Variants in CPLANE1 observed in about 807,000 individuals in gnomAD.
CPLANE1 encodes ciliogenesis and planar polarity effector complex subunit 1.
A neutral mutation model predicts 362.5 loss-of-function variants in CPLANE1; 263 were observed. That is an observed-to-expected ratio of 0.73 (90% CI 0.66 to 0.80). The LOEUF (loss-of-function observed/expected upper bound fraction) is 0.80, where lower values mean the gene tolerates loss of function less well. Ranked by LOEUF, CPLANE1 falls within the 30% of genes least tolerant of loss-of-function variation. The pLI, the probability that CPLANE1 is intolerant of heterozygous loss-of-function variation, is 0.00. For synonymous variants in CPLANE1, 1,212 were observed against 1,302.6 expected (o/e 0.93, Z 1.50); for missense variants, 3,461 against 3,793.4 (o/e 0.91, Z 2.30).
chr5:37,204,364 G>A (rs1354487996), intron 18 of CPLANE1, among the ~76,000 whole-genome samples: 2 of 152,062 alleles, frequency 1.3e-5, no homozygotes, highest in African/African-American at 2.4e-5. Flanking sequence ...TTAAATATAC[G>A]ACATTAAATG....
In CPLANE1 at chr5:37,142,447, T is replaced by C; in HGVS notation, c.8495A>G (p.Gln2832Arg). Residue 2832 changes from glutamine to arginine, a missense_variant, in exon 44 of 53, where the codon CAA (glutamine) becomes CGA (arginine). This residue lies in a region of CPLANE1 where 3,380 missense variants were observed against 3,666.1 expected (regional missense o/e 0.92). Transcript: ENST00000651892. Reference sequence around the variant, plus strand: ...TTCTGAAGTCTCCTTTTTGTCACTTTGATCTTCTTCATCCATATGGGTCAA... The same window carrying C: ...TTCTGAAGTCTCCTTTTTGTCACTTCGATCTTCTTCATCCATATGGGTCAA... ...RFLTHMDEED[Q>R]SDKKETSEPE... 6.2e-7 allele frequency: 1 copy of C among 1,606,032 alleles called. No individual in the cohort carries two copies.
Position 37,157,422 on chromosome 5 carries a change from T to G in CPLANE1, c.8012-2A>C. On this transcript the variant is annotated splice_acceptor_variant, in intron 40 of 52. Transcript: ENST00000651892. LOFTEE classifies it high-confidence loss of function. ...CATCCAGACAAGCTGGAGTTACTTC[T>G]GCAGGTTTAGAAAATAAATCCATAG... The G allele has an allele frequency of 6.7e-7, 1 of 1,483,902 alleles. No homozygotes were observed. The highest frequency in any genetic ancestry group is 9.0e-7 in the Non-Finnish European group (1 of 1,107,242). The allele number at this position is 1,483,902 out of a possible 1,614,324, so 91.9% of individuals were successfully genotyped here. A position where few individuals can be genotyped will look rare whatever the true frequency, so the allele number is the denominator to read the frequency against.
chr5:37,242,923 C>T (rs998331763), intron 6 of CPLANE1, 90 bp downstream of exon 6: 14 of 793,140 alleles, frequency 1.8e-5, no homozygotes, highest in Non-Finnish European at 2.8e-5. Context: ...GATTGTGCCA[C>T]TACCCCCCAG....
chr5:37,128,549 A>G (rs1764878745), intron 46 of CPLANE1, among the ~76,000 whole-genome samples: 1 of 152,148 alleles, frequency 6.6e-6, no homozygotes, highest in Non-Finnish European at 1.5e-5. Context: ...GAAAATGACC[A>G]ATGCAATTCC....
At chr5:37,144,385 T>G (rs1580133696) in intron 43 of CPLANE1, among the ~76,000 whole-genome samples, 5 of 113,460 alleles carry the variant, frequency 4.4e-5, no homozygotes, top group East Asian at 2.5e-4. Flanking sequence ...TCCAACAGAG[T>G]GAGACTTTGT....
At chr5:37,081,155 A>G in the CPLANE1 span, among the ~76,000 whole-genome samples, 1 of 152,178 alleles carries the variant, frequency 6.6e-6, no homozygotes, top group African/African-American at 2.4e-5. Flanking sequence ...GTAAATAAAT[A>G]AATAAATAAC....
At chr5:37,177,387 T>G (rs1781464042) in intron 30 of CPLANE1, among the ~76,000 whole-genome samples, 2 of 152,270 alleles carry the variant, frequency 1.3e-5, no homozygotes, top group Non-Finnish European at 2.9e-5. Flanking sequence ...ATAAGGCTGA[T>G]AGTGATGAGA....
chr5:37,161,487 G>A (rs1254484976), intron 38 of CPLANE1, among the ~76,000 whole-genome samples: 1 of 152,182 alleles, frequency 6.6e-6, no homozygotes, highest in East Asian at 1.9e-4. Context: ...ACACATTAGA[G>A]ATGAATTGCC....
chr5:37,148,289 A>C, intron 42 of CPLANE1, 21 bp from the exon 43 acceptor site: 2 of 1,497,612 alleles, frequency 1.3e-6, no homozygotes, highest in Non-Finnish European at 1.9e-6. Flanking sequence ...AACACACACA[A>C]CAAAACAACA....
At chr5:37,189,589 C>T (rs1784928260) in intron 21 of CPLANE1, among the ~76,000 whole-genome samples, 1 of 152,200 alleles carries the variant, frequency 6.6e-6, no homozygotes, top group African/African-American at 2.4e-5. Context: ...CTAAAAACAT[C>T]CTTTATCTGT....
chr5:37,230,870 T>C lies in CPLANE1; in HGVS notation c.1118A>G (p.Tyr373Cys), dbSNP rs1797587807. 1.3e-6 allele frequency: 2 copies of C among 1,520,248 alleles called. No homozygotes were observed. The highest frequency in any genetic ancestry group is 1.8e-6 in the Non-Finnish European group (2 of 1,131,402). The allele number at this position is 1,520,248 out of a possible 1,614,324, so 94.2% of individuals were successfully genotyped here. ...TAACACAATTCAAATGTCTCACCTA[T>C]ACGTTATTAGTGGATGAAGAGGAAT... ...EFIPLHPLIT[Y>C]RPQQFTFQDS... The change falls in exon 9 of 53, where the codon TAT becomes TGT. Residue 373 changes from tyrosine (Y) to cysteine (C), a missense_variant. By Grantham distance (194) the Tyr-to-Cys change is radical (BLOSUM62 -2). This residue lies in a region of CPLANE1 where 3,380 missense variants were observed against 3,666.1 expected (regional missense o/e 0.92). Coordinates refer to ENST00000651892, the MANE Select transcript of CPLANE1 (RefSeq NM_001384732.1).
chr5:37,122,757 T>C (rs185305226), intron 47 of CPLANE1, among the ~76,000 whole-genome samples: 1 of 152,102 alleles, frequency 6.6e-6, no homozygotes, highest in East Asian at 1.9e-4. Flanking sequence ...CTACTAAAAA[T>C]ACAAAAATTA....
rs560956716 is a variant in CPLANE1, at chr5:37,175,846, T to C, written c.5978+63A>G. The C allele has an allele frequency of 7.8e-6, 9 of 1,159,518 alleles. No homozygotes were observed. The East Asian group carries it at 2.1e-4, about 27-fold the overall frequency. The allele number at this position is 1,159,518 out of a possible 1,614,324, so 71.8% of individuals were successfully genotyped here. ...TTCAAAAATGGTACAGTCGGCATAC[T>C]TTCACTCTGTGATTTGTAAAACACA... On this transcript the variant is annotated intron_variant, in intron 31 of 52. Coordinates refer to ENST00000651892, the MANE Select transcript of CPLANE1 (RefSeq NM_001384732.1).
chr5:37,217,315 G>A (rs1580817873), intron 15 of CPLANE1, among the ~76,000 whole-genome samples: 1 of 152,170 alleles, frequency 6.6e-6, no homozygotes, highest in Non-Finnish European at 1.5e-5. Context: ...TTTTCAAAGT[G>A]TAAATCTCGA....
In CPLANE1 at chr5:37,167,122, T is replaced by A. The variant is rs1271726278; in HGVS notation, c.7325A>T (p.Asp2442Val). 2 of 1,612,604 alleles carry A rather than the reference T, an allele frequency of 1.2e-6. No homozygotes were observed. Among genetic ancestry groups the A allele is most frequent in the African/African-American group, 1.3e-5 (1 of 74,894 alleles). The change falls in exon 35 of 53, where the codon GAT becomes GTT. Residue 2442 changes from aspartate to valine, a missense_variant. Physicochemically the swap from Asp to Val is radical, Grantham distance 152. Coordinates refer to ENST00000651892, the MANE Select transcript of CPLANE1 (RefSeq NM_001384732.1). ...CTTTAGAAGTTGAAGGTGTCCAGCA[T>A]CACCTTGTTCAAATAAATTATGTGT... ...KLTHNLFEQG[D>V]AGHLQLLKVK...
intron 3 of CPLANE1, 40 bp downstream of exon 3, chr5:37,245,670 A>G: frequency 6.8e-7 from 1 of 1,474,912 alleles, no homozygotes. Context: ...TTATTAAAAA[A>G]TATAGTTTTA....
intron 46 of CPLANE1, among the ~76,000 whole-genome samples, chr5:37,137,375 C>T (rs1053743141): frequency 6.6e-6 from 1 of 152,194 alleles, no homozygotes; most frequent in African/African-American, 2.4e-5. Context: ...CAACAAGTCT[C>T]TAGGAAGTTC....
chr5:37,127,418 G>T (rs1764471036), intron 46 of CPLANE1, among the ~76,000 whole-genome samples: 1 of 151,952 alleles, frequency 6.6e-6, no homozygotes, highest in African/African-American at 2.4e-5. Context: ...GCTTTGCAGA[G>T]GACTTAAAAC....
At chr5:37,167,835 T>A (rs1261039466) in intron 34 of CPLANE1, among the ~76,000 whole-genome samples, 2 of 152,156 alleles carry the variant, frequency 1.3e-5, no homozygotes, top group African/African-American at 4.8e-5. Context: ...ATGTCCAGCA[T>A]TTAACTTAAA....
Sources: gnomAD v4.1 joint callset for allele counts (sites outside exome capture counted in the v4.1 genomes callset) on GRCh38, gnomAD v4.1.1 for gene constraint, gnomAD v4.1.1 regional missense constraint, MANE v1.5 for transcripts, NCBI Gene and HGNC (gene_info 2026-07-23, HGNC 2026-07-21) for gene names.